Variants in DMD observed in about 807,000 individuals in gnomAD.
The protein encoded by DMD is dystrophin.
DMD carries 63 observed loss-of-function variants against 330.1 expected under a neutral mutation model. That is an observed-to-expected ratio of 0.19 (90% CI 0.16 to 0.24). The LOEUF (loss-of-function observed/expected upper bound fraction) is 0.24, where lower values mean the gene tolerates loss of function less well. Ranked by LOEUF, DMD falls within the 10% of genes least tolerant of loss-of-function variation. DMD has a pLI of 1.00. For missense variants in DMD, 3,344 were observed against 2,684.1 expected (o/e 1.25, Z -5.43); for synonymous variants, 1,223 against 959.8 (o/e 1.27, Z -5.07).
intron 6 of DMD, among the ~76,000 whole-genome samples, chrX:32,811,587 A>T (rs1411777430): frequency 1.8e-5 from 2 of 111,868 alleles, no homozygotes; most frequent in Non-Finnish European, 3.8e-5. Flanking sequence ...TATCAACTAC[A>T]CGAGAGAATG....
chrX:32,444,985 G>T (rs894291638), intron 27 of DMD, among the ~76,000 whole-genome samples: 1 of 111,165 alleles, frequency 9.0e-6, no homozygotes, highest in Non-Finnish European at 1.9e-5. Flanking sequence ...ACGGAGTATA[G>T]GTACTTCCAG....
chrX:32,774,420 A>G (rs964393332), intron 7 of DMD, among the ~76,000 whole-genome samples: 7 of 111,645 alleles, frequency 6.3e-5, no homozygotes, highest in African/African-American at 9.8e-5. Flanking sequence ...TAGTATACTT[A>G]TGTATTAGTC....
At chrX:31,630,488 G>A (rs1453483506) in intron 54 of DMD, among the ~76,000 whole-genome samples, 2 of 110,668 alleles carry the variant, frequency 1.8e-5, no homozygotes, top group Non-Finnish European at 3.8e-5. Context: ...CATTTCTCTC[G>A]GAATCTATGT....
chrX:32,786,825 T>A (rs2075396465), intron 7 of DMD, among the ~76,000 whole-genome samples: 1 of 111,884 alleles, frequency 8.9e-6, no homozygotes, highest in Admixed American at 9.5e-5. Flanking sequence ...TTACATAAAC[T>A]CTTCAGTTGC....
At chrX:32,836,302 G>A (rs1426951524) in intron 4 of DMD, among the ~76,000 whole-genome samples, 2 of 110,384 alleles carry the variant, frequency 1.8e-5, no homozygotes, top group African/African-American at 6.6e-5. Context: ...AAAGTGCTGG[G>A]ATTACAGGTG....
At position 32,529,217 on chromosome X, in the gene DMD, G is replaced by A. The variant is rs112591093; in HGVS notation, c.2169-11086C>T. ...TGGGATTACAGGTGTGAGCCACCGC[G>A]CCAGGTCAAACCAATGTATTTCTTA... On this transcript the variant is annotated intron_variant, in intron 17 of 78. Transcript: ENST00000357033. 9.6e-3 allele frequency among the ~76,000 whole-genome samples: 1,028 copies of A among 107,000 alleles called. 21 individuals are homozygous for A. The highest frequency in any genetic ancestry group is 0.071 in the Admixed American group (690 of 9,784). The allele number at this position is 107,000 out of a possible 115,157, so 92.9% of individuals were successfully genotyped here. A position where few individuals can be genotyped will look rare whatever the true frequency, so the allele number is the denominator to read the frequency against.
rs1025023163 is a variant in DMD at position 33,164,757 on chromosome X, T to A, written c.31+46525A>T. 4.5e-5 allele frequency among the ~76,000 whole-genome samples: 5 copies of A among 110,748 alleles called. No homozygotes were observed. The Admixed American group carries it at 4.8e-4, about 11-fold the overall frequency. On this transcript the variant is annotated intron_variant, in intron 1 of 78. Transcript: ENST00000357033. ...AACAGGGTCCACAGGCAATCAACAA[T>A]CCTGTTCTCTTCCTTCTCCTGGGCT...
At chrX:32,876,294 TATA>T (rs1436032189) in intron 2 of DMD, among the ~76,000 whole-genome samples, 25 of 112,160 alleles carry the variant, frequency 2.2e-4, no homozygotes, top group African/African-American at 7.8e-4. Flanking sequence ...AAATGTCAGT[TATA>T]ATAAACTCTA....
At chrX:32,333,604 T>C (rs1423313622) in intron 41 of DMD, among the ~76,000 whole-genome samples, 1 of 111,228 alleles carries the variant, frequency 9.0e-6, no homozygotes, top group Admixed American at 9.6e-5. Context: ...CTGCTTCAGA[T>C]TTGCTCAGTT....
chrX:32,287,352 G>A (rs912363344), intron 43 of DMD, among the ~76,000 whole-genome samples, 177 bp downstream of exon 43: 2 of 111,638 alleles, frequency 1.8e-5, no homozygotes, highest in African/African-American at 3.3e-5. Flanking sequence ...CTACAGTTCA[G>A]CTCATTTGTC....
intron 62 of DMD, among the ~76,000 whole-genome samples, chrX:31,266,159 CAAAAAAAAAAAA>C (rs1174153877): frequency 1.5e-4 from 2 of 13,331 alleles, no homozygotes; most frequent in East Asian, 2.5e-3. Context: ...TCCCGAAGGG[CAAAAAAAAAAAA>C]AAAAAAAAAA....
At chrX:33,039,809 T>C (rs1034284050) in intron 1 of DMD, among the ~76,000 whole-genome samples, 2 of 111,062 alleles carry the variant, frequency 1.8e-5, no homozygotes, top group Non-Finnish European at 3.8e-5. Context: ...CTGCTTAGGA[T>C]GTAAAAATGC....
intron 55 of DMD, among the ~76,000 whole-genome samples, chrX:31,568,149 T>G (rs1213602687): frequency 9.0e-6 from 1 of 111,363 alleles, no homozygotes; most frequent in East Asian, 2.8e-4. Context: ...ACATATAAGT[T>G]GAATTCTCTA....
chrX:32,356,231 T>C (rs1029685353), intron 37 of DMD, among the ~76,000 whole-genome samples: 10 of 109,890 alleles, frequency 9.1e-5, no homozygotes, highest in South Asian at 7.7e-4. Flanking sequence ...TATTTTAAGA[T>C]AGATTAGGCC....
At chrX:32,773,824 C>T (rs1326834428) in intron 7 of DMD, among the ~76,000 whole-genome samples, 4 of 111,798 alleles carry the variant, frequency 3.6e-5, no homozygotes, top group Non-Finnish European at 7.5e-5. Context: ...TTAAAATCTA[C>T]ATCTGGCATC....
Position 31,630,370 on chromosome X carries a change from C to T in DMD, c.8028-2508G>A, listed in dbSNP as rs775403076. Reference sequence around the variant, plus strand: ...TAATTTGGAAAATACGTTAAAAATTCGATGGCAATAACAGCAGAAAATCTC... The same window carrying T: ...TAATTTGGAAAATACGTTAAAAATTTGATGGCAATAACAGCAGAAAATCTC... On this transcript the variant is annotated intron_variant, in intron 54 of 78. Transcript: ENST00000357033. 9.8e-5 allele frequency among the ~76,000 whole-genome samples: 11 copies of T among 111,849 alleles called. 1 individual carries two copies. Among genetic ancestry groups the T allele is most frequent in the Middle Eastern group, 9.2e-3 (2 of 218 alleles).
intron 41 of DMD, among the ~76,000 whole-genome samples, chrX:32,337,418 C>A (rs778223356): frequency 9.2e-6 from 1 of 108,753 alleles, no homozygotes; most frequent in Non-Finnish European, 1.9e-5. Context: ...ACATCAAGAT[C>A]ATATACTTGG....
At chrX:31,372,436 C>A (rs746422743) in intron 60 of DMD, among the ~76,000 whole-genome samples, 6 of 111,931 alleles carry the variant, frequency 5.4e-5, no homozygotes, top group African/African-American at 1.9e-4. Flanking sequence ...TGGGCTTTGA[C>A]TCCACATTTT....
chrX:31,906,211 C>T (rs1386176020), intron 47 of DMD, among the ~76,000 whole-genome samples: 2 of 111,850 alleles, frequency 1.8e-5, no homozygotes, highest in South Asian at 7.4e-4. Context: ...TGTTTGCTTC[C>T]CCATCTGCCA....
Sources: gnomAD v4.1 joint callset for allele counts (sites outside exome capture counted in the v4.1 genomes callset) on GRCh38, gnomAD v4.1.1 for gene constraint, MANE v1.5 for transcripts, NCBI Gene and HGNC (gene_info 2026-07-23, HGNC 2026-07-21) for gene names.